The following CP variants were observed in gnomAD, a reference collection of about 807,000 sequenced individuals.
The protein encoded by CP is ceruloplasmin, also known as caeruloplasmin.
A neutral mutation model predicts 122.4 loss-of-function variants in CP; 64 were observed. The observed-to-expected ratio is 0.52, with a 90% confidence interval of 0.43 to 0.64. The LOEUF (loss-of-function observed/expected upper bound fraction) is 0.64. CP is among the 30% of genes least tolerant of loss of function. The probability of loss-of-function intolerance (pLI) is 0.00; values close to 1 mark genes in which losing one functional copy is unlikely to be tolerated. For synonymous variants in CP, 440 were observed against 436.4 expected (o/e 1.01, Z -0.10); for missense variants, 1,167 against 1,284.4 (o/e 0.91, Z 1.40).
At chr3:149,206,375 G>A (rs1383897597) in intron 5 of CP, 36 bp from the exon 6 acceptor site, 2 of 1,611,802 alleles carry the variant, frequency 1.2e-6, no homozygotes, top group African/African-American at 1.3e-5. Context: ...GATTAATGAA[G>A]ACAATGTTTC....
Position 149,212,326 on chromosome 3 carries a change from A to T in CP, c.394+125T>A, listed in dbSNP as rs555562557. On this transcript the variant is annotated intron_variant, in intron 2 of 18. Coordinates refer to ENST00000264613, the MANE Select transcript of CP (RefSeq NM_000096.4). ...AAAAAAATTAAAAAAAAATAAAAAA[A>T]AAATAGTTAAGAGCTGAATGGCAGT... 1.0e-4 allele frequency: 107 copies of T among 1,029,578 alleles called. 3 individuals are homozygous for T. In the East Asian group the frequency reaches 2.5e-3, roughly 24 times the overall value. 63.8% of individuals were successfully genotyped at this position (1,029,578 alleles called of 1,614,324 possible).
chr3:149,212,299 C>CA (rs1288405197), intron 2 of CP, 152 bp downstream of exon 2: 49 of 766,264 alleles, frequency 6.4e-5, no homozygotes, highest in Middle Eastern at 8.5e-4. Context: ...TGACAGAAGT[C>CA]AAAAAAAATT....
rs746817370 is a variant in CP, at chr3:149,210,258, G to T, written c.516C>A (p.Gly172=). Residue 172 remains glycine, a synonymous_variant, in exon 3 of 19, where the codon GGC becomes GGA. Transcript: ENST00000264613. ...AATGGTAAATCCTAGTCACACAATT[G>T]CCATCTCCTTCCCCAGGACTTTGTT... ...TEEQSPGEGD[G]NCVTRIYHSH... 1.2e-6 allele frequency: 2 copies of T among 1,614,034 alleles called. No homozygotes were observed. The highest frequency in any genetic ancestry group is 1.7e-6 in the Non-Finnish European group (2 of 1,179,952).
chr3:149,209,425 G>A (rs750992848), intron 3 of CP, 41 bp from the exon 4 acceptor site: 3 of 1,570,456 alleles, frequency 1.9e-6, no homozygotes, highest in South Asian at 1.1e-5. Flanking sequence ...TAAACTTTTA[G>A]CATGTATTTT....
chr3:149,198,539 G>C lies in CP; in HGVS notation c.1541C>G (p.Thr514Arg). The stretch of plus-strand genomic sequence containing the variant: ...GGGGACAGTCCATTCATAGGTGAAT[G>C]TTTCTGTGGGTGCCACATGGGAGGC... Reference protein sequence around the residue: ...PSASHVAPTETFTYEWTVPKE... With the variant: ...PSASHVAPTERFTYEWTVPKE... The change falls in exon 9 of 19, where the codon ACA becomes AGA. Residue 514 changes from threonine to arginine, a missense_variant. Around this residue, in one of 2 missense-constraint regions of CP, gnomAD observed 642 missense variants for 627.3 expected, o/e 1.02. Transcript: ENST00000264613. 2 of 1,614,120 alleles carry C rather than the reference G, an allele frequency of 1.2e-6. No homozygotes were observed. The highest frequency in any genetic ancestry group is 1.7e-6 in the Non-Finnish European group (2 of 1,179,988).
At chr3:149,218,145 T>A (rs2108314991) in intron 1 of CP, among the ~76,000 whole-genome samples, 1 of 152,180 alleles carries the variant, frequency 6.6e-6, no homozygotes, top group South Asian at 2.1e-4. Flanking sequence ...TTCCTAGAGG[T>A]CATCAGAAAA....
Position 149,183,449 on chromosome 3 carries a change from T to G in CP, c.2425+17A>C, listed in dbSNP as rs1725911438. The G allele has an allele frequency of 1.2e-6, 2 of 1,610,212 alleles. No individual in the cohort carries two copies. Among genetic ancestry groups the G allele is most frequent in the African/African-American group, 2.7e-5 (2 of 74,804 alleles). ...CATCATTAACCCACACCTGATAAAC[T>G]GGAGATATTAACATACCTAGAATTC... On this transcript the variant is annotated intron_variant, in intron 13 of 18. Transcript: ENST00000264613.
rs769311718 is a variant in CP at position 149,209,291 on chromosome 3, T to C, written c.701A>G (p.Asp234Gly). Residue 234 changes from aspartate (D) to glycine (G), a missense_variant, in exon 4 of 19, where the codon GAC (aspartate) becomes GGC (glycine). Around this residue, in one of 2 missense-constraint regions of CP, gnomAD observed 642 missense variants for 627.3 expected, o/e 1.02. Transcript: ENST00000264613. ...VDENFSWYLE[D>G]NIKTYCSEPE... ...TTCTGAGCAGTAGGTTTTAATGTTG[T>C]CTTCTAGGTACCAGCTGAAATTTTC... 2 of 1,613,842 alleles carry C rather than the reference T, an allele frequency of 1.2e-6. No individual in the cohort carries two copies. Among genetic ancestry groups the C allele is most frequent in the Admixed American group, 1.7e-5 (1 of 60,018 alleles).
chr3:149,214,627 T>C (rs1728339437), intron 1 of CP, among the ~76,000 whole-genome samples: 1 of 152,180 alleles, frequency 6.6e-6, no homozygotes, highest in African/African-American at 2.4e-5. Context: ...TCTATTTGTT[T>C]TCACTTTCTA....
At chr3:149,202,379 A>G in intron 6 of CP, 138 bp from the exon 7 acceptor site, 2 of 1,083,436 alleles carry the variant, frequency 1.8e-6, no homozygotes, top group Non-Finnish European at 2.8e-6. Flanking sequence ...AGCAATCCGT[A>G]CCAGTTACTC....
At chr3:149,167,200 T>C in intron 4 of CP, 1 of 1,613,846 alleles carries the variant, frequency 6.2e-7, no homozygotes, top group Non-Finnish European at 8.5e-7. Context: ...CCGGAGGCAG[T>C]CATTCCATAT....
chr3:149,172,275 T>C (rs1286681858), downstream of CP: 9 of 1,523,644 alleles, frequency 5.9e-6, no homozygotes, highest in Middle Eastern at 2.0e-4. Context: ...TTTCTAAAAA[T>C]TGAATGCCAA....
At chr3:149,168,892 C>T (rs560121260), downstream of CP, among the ~76,000 whole-genome samples, 1 of 152,174 alleles carries the variant, frequency 6.6e-6, no homozygotes, top group African/African-American at 2.4e-5. Flanking sequence ...CACATCTTTA[C>T]ACCTCAGCAT....
intron 6 of CP, among the ~76,000 whole-genome samples, chr3:149,203,617 T>TTTTCTCCCAA (rs1727500014): frequency 6.6e-6 from 1 of 152,222 alleles, no homozygotes; most frequent in African/African-American, 2.4e-5. Context: ...AAAGTTGGTA[T>TTTTCTCCCAA]TATTCTCCCT....
At chr3:149,165,168 A>G (rs978750055) in intron 5 of CP, among the ~76,000 whole-genome samples, 8 of 152,186 alleles carry the variant, frequency 5.3e-5, no homozygotes, top group Middle Eastern at 3.2e-3. Flanking sequence ...CATTTCACGA[A>G]TATTGCTTGA....
At chr3:149,176,560 T>C in intron 17 of CP, 148 bp from the exon 18 acceptor site, 1 of 660,624 alleles carries the variant, frequency 1.5e-6, no homozygotes, top group Non-Finnish European at 2.6e-6. Context: ...ATACAAATGG[T>C]AAAATGTGGT....
At position 149,221,500 on chromosome 3, in the gene CP, G is replaced by A. The variant is rs528578620; in HGVS notation, c.146+147C>T. ...AATAAAAAATATACAGGAATATAAA[G>A]GAGATTGATTCAAGTGTCTTGGGTT... is the stretch of plus-strand genomic sequence containing the variant. On this transcript the variant is annotated intron_variant, in intron 1 of 18. Coordinates refer to ENST00000264613, the MANE Select transcript of CP (RefSeq NM_000096.4). 7 of 652,544 alleles carry A rather than the reference G, an allele frequency of 1.1e-5. No individual in the cohort carries two copies. In the African/African-American group the frequency reaches 1.3e-4, roughly 12 times the overall value. 40.4% of individuals were successfully genotyped at this position (652,544 alleles called of 1,614,324 possible).
Position 149,181,990 on chromosome 3 carries a change from CG to C in CP, c.2554+14del. The C allele has an allele frequency of 1.3e-6, 1 of 781,794 alleles. No individual in the cohort carries two copies. Among genetic ancestry groups the C allele is most frequent in the Non-Finnish European group, 2.0e-6 (1 of 491,654 alleles). 48.4% of individuals were successfully genotyped at this position (781,794 alleles called of 1,614,324 possible). A position where few individuals can be genotyped will look rare whatever the true frequency, so the allele number is the denominator to read the frequency against. On this transcript the variant is annotated intron_variant, in intron 14 of 18. Transcript: ENST00000264613. ...TGTTAAAATGCACCACCCCCACCCC[CG>C]CCCCCGTGAGTACCTGGTAATGTTG...
At position 149,211,591 on chromosome 3, in the gene CP, T is replaced by C. The variant is rs115736767; in HGVS notation, c.394+860A>G. On this transcript the variant is annotated intron_variant, in intron 2 of 18. Transcript: ENST00000264613. ...TCCAAGTCCTACATTCAAATGACTT[T>C]TTCAGTTAATTGTGTCTCATATGTG... Among the ~76,000 whole-genome samples, 435 of 152,312 alleles carry C rather than the reference T, an allele frequency of 2.9e-3. 3 individuals carry two copies. Among genetic ancestry groups the C allele is most frequent in the African/African-American group, 9.6e-3 (401 of 41,570 alleles).
Sources: gnomAD v4.1 joint callset for allele counts (sites outside exome capture counted in the v4.1 genomes callset) on GRCh38, gnomAD v4.1.1 for gene constraint, gnomAD v4.1.1 regional missense constraint, MANE v1.5 for transcripts, NCBI Gene and HGNC (gene_info 2026-07-23, HGNC 2026-07-21) for gene names.